Variants in FBXL5 observed in about 807,000 individuals in gnomAD.
FBXL5 encodes the protein F-box and leucine rich repeat protein 5.
Under a neutral mutation model 78.3 loss-of-function variants are expected in FBXL5, and 26 were observed. The observed-to-expected ratio is 0.33, with a 90% confidence interval of 0.24 to 0.46. The LOEUF is 0.46. Among genes scored for constraint, FBXL5 ranks in the 20% least tolerant of loss-of-function variants. The probability of loss-of-function intolerance (pLI) is 1.00; values close to 1 mark genes in which losing one functional copy is unlikely to be tolerated. For missense variants in FBXL5, 710 were observed against 829.2 expected, an observed-to-expected ratio of 0.86 and a Z score of 1.77; for synonymous variants, 295 against 282.5, an observed-to-expected ratio of 1.04 and a Z score of -0.45.
At chr4:15,662,606 G>T (rs768358851), upstream of FBXL5, among the ~76,000 whole-genome samples, 3 of 152,102 alleles carry the variant, frequency 2.0e-5, no homozygotes, top group Non-Finnish European at 4.4e-5. Flanking sequence ...AGCTCTACTT[G>T]GATAATTCAA....
At chr4:15,672,304 T>C (rs1717801611) in intron 1 of FBXL5, among the ~76,000 whole-genome samples, 1 of 152,248 alleles carries the variant, frequency 6.6e-6, no homozygotes, top group Admixed American at 6.5e-5. Flanking sequence ...CAGCCGTCTC[T>C]GAGCACGACA....
At chr4:15,626,117 T>C in intron 8 of FBXL5, 140 bp from the exon 9 acceptor site, 2 of 808,778 alleles carry the variant, frequency 2.5e-6, no homozygotes, top group Non-Finnish European at 3.7e-6. Flanking sequence ...TATCTATTGT[T>C]AAGGTACTAT....
intron 10 of FBXL5, among the ~76,000 whole-genome samples, chr4:15,611,182 G>A (rs757449393): frequency 3.3e-5 from 5 of 152,092 alleles, no homozygotes; most frequent in Non-Finnish European, 5.9e-5. Flanking sequence ...TCAAGAACAT[G>A]GGAGGTCATC....
chr4:15,646,955 G>C (rs1289792567), intron 1 of FBXL5, among the ~76,000 whole-genome samples: 1 of 151,886 alleles, frequency 6.6e-6, no homozygotes, highest in African/African-American at 2.4e-5. Flanking sequence ...GGGCATGGTG[G>C]CTCACACCTG....
At chr4:15,663,474 A>G (rs1055699123), upstream of FBXL5, among the ~76,000 whole-genome samples, 1 of 152,258 alleles carries the variant, frequency 6.6e-6, no homozygotes, top group Admixed American at 6.5e-5. Flanking sequence ...CTGGGTTCAA[A>G]TCTCAGCTGG....
intron 9 of FBXL5, among the ~76,000 whole-genome samples, chr4:15,617,490 G>A (rs1235303895): frequency 6.7e-6 from 1 of 149,608 alleles, no homozygotes; most frequent in South Asian, 2.1e-4. Flanking sequence ...GGAGGTTGCA[G>A]TGAGCCAAGA....
chr4:15,672,191 C>T (rs1311171097), intron 1 of FBXL5, among the ~76,000 whole-genome samples: 1 of 152,202 alleles, frequency 6.6e-6, no homozygotes, highest in Non-Finnish European at 1.5e-5. Context: ...CAGTCTAGGG[C>T]TAATGGTTTC....
In FBXL5 at chr4:15,639,760, A is replaced by C. The variant is rs528346544; in HGVS notation, c.396+1028T>G. ...CAGGTCAATGCATGTCCTCTGATTT[A>C]ACTCTGATGTAATTTGTCTGAAAAG... On this transcript the variant is annotated intron_variant, in intron 3 of 10. Coordinates refer to ENST00000341285, the MANE Select transcript of FBXL5 (RefSeq NM_012161.4). Among the ~76,000 whole-genome samples, 8 of 152,328 alleles carry C rather than the reference A, an allele frequency of 5.3e-5. No individual in the cohort carries two copies. The South Asian group carries it at 1.7e-3, about 32-fold the overall frequency.
At chr4:15,606,937 A>G (rs997005675) in intron 10 of FBXL5, among the ~76,000 whole-genome samples, 7 of 152,350 alleles carry the variant, frequency 4.6e-5, no homozygotes, top group African/African-American at 1.7e-4. Flanking sequence ...TAATACTACC[A>G]TAACAATTAC....
At chr4:15,633,281 AC>A (rs1464954907) in intron 5 of FBXL5, among the ~76,000 whole-genome samples, 1 of 152,208 alleles carries the variant, frequency 6.6e-6, no homozygotes, top group African/African-American at 2.4e-5. Flanking sequence ...AAGTTTTTCA[AC>A]TTTTTTATAG....
At chr4:15,633,020 C>T (rs1490986213) in intron 5 of FBXL5, among the ~76,000 whole-genome samples, 1 of 152,068 alleles carries the variant, frequency 6.6e-6, no homozygotes, top group African/African-American at 2.4e-5. Context: ...TTTGCCCAGG[C>T]AATGGGCAAT....
chr4:15,630,144 CCA>C, intron 6 of FBXL5, among the ~76,000 whole-genome samples: 1 of 152,184 alleles, frequency 6.6e-6, no homozygotes, highest in East Asian at 1.9e-4. Flanking sequence ...TTGAACTCTC[CCA>C]CAGTGTTTAA....
At chr4:15,656,867 C>T (rs1717001665), upstream of FBXL5, among the ~76,000 whole-genome samples, 1 of 151,994 alleles carries the variant, frequency 6.6e-6, no homozygotes, top group Admixed American at 6.6e-5. Context: ...GAAATTAAGT[C>T]TTCAAGACAT....
chr4:15,613,407 A>G (rs138927788), intron 9 of FBXL5, among the ~76,000 whole-genome samples: 239 of 152,302 alleles, frequency 1.6e-3, no homozygotes, highest in African/African-American at 5.5e-3. Context: ...GAAGAATAAA[A>G]GCAGTATTTA....
At chr4:15,630,970 A>T (rs1186895687) in intron 5 of FBXL5, among the ~76,000 whole-genome samples, 179 bp from the exon 6 acceptor site, 1 of 152,108 alleles carries the variant, frequency 6.6e-6, no homozygotes, top group African/African-American at 2.4e-5. Context: ...ACAACGTGCA[A>T]GTTTGTTACA....
At chr4:15,664,962 A>G (rs1717477764) in intron 1 of FBXL5, among the ~76,000 whole-genome samples, 1 of 152,132 alleles carries the variant, frequency 6.6e-6, no homozygotes, top group African/African-American at 2.4e-5. Context: ...ATTAAGTTTA[A>G]GGTTGAAGTT....
intron 5 of FBXL5, among the ~76,000 whole-genome samples, chr4:15,631,534 AC>A (rs1713667194): frequency 6.6e-6 from 1 of 152,202 alleles, no homozygotes; most frequent in African/African-American, 2.4e-5. Flanking sequence ...ACTCCCACCA[AC>A]AGTGTAAAAG....
chr4:15,649,748 A>G (rs546397071), intron 1 of FBXL5, among the ~76,000 whole-genome samples: 14 of 152,136 alleles, frequency 9.2e-5, no homozygotes, highest in Non-Finnish European at 2.1e-4. Flanking sequence ...TACGGAAGGA[A>G]GCCAATGATG....
At chr4:15,616,060 C>T (rs1415595873) in intron 9 of FBXL5, among the ~76,000 whole-genome samples, 5 of 151,842 alleles carry the variant, frequency 3.3e-5, no homozygotes, top group South Asian at 2.1e-4. Context: ...ACTCCAGACG[C>T]GCTGCCTTAA....
Sources: allele counts gnomAD v4.1 joint callset (sites outside exome capture counted in the v4.1 genomes callset), GRCh38; gene constraint gnomAD v4.1.1; transcripts MANE v1.5; gene names NCBI Gene and HGNC (gene_info 2026-07-23, HGNC 2026-07-21).